The following GPC6 variants were observed in gnomAD, a reference collection of about 807,000 sequenced individuals.
GPC6 encodes glypican-6.
A neutral mutation model predicts 55.2 loss-of-function variants in GPC6; 14 were observed. The observed-to-expected ratio is 0.25, with a 90% CI of 0.17 to 0.40. The LOEUF (loss-of-function observed/expected upper bound fraction) is 0.40, where lower values mean the gene tolerates loss of function less well. Ranked by LOEUF, GPC6 falls within the 10% of genes least tolerant of loss-of-function variation. The pLI is 1.00. For synonymous variants in GPC6, 278 were observed against 259.6 expected (o/e 1.07, Z -0.68); for missense variants, 641 against 708.5 (o/e 0.90, Z 1.08).
chr13:94,061,384 T>C (rs2138768407), intron 4 of GPC6, among the ~76,000 whole-genome samples: 1 of 152,316 alleles, frequency 6.6e-6, no homozygotes, highest in Admixed American at 6.5e-5. Flanking sequence ...TTCTGCCATA[T>C]TGAAGGCCAG....
intron 6 of GPC6, among the ~76,000 whole-genome samples, chr13:94,307,694 C>T (rs1180631804): frequency 9.9e-5 from 15 of 152,148 alleles, no homozygotes; most frequent in Admixed American, 5.9e-4. Context: ...AATTAGATTC[C>T]ACCAAATAAC....
chr13:93,744,809 T>A (rs1266990171), intron 2 of GPC6, among the ~76,000 whole-genome samples: 1 of 151,646 alleles, frequency 6.6e-6, no homozygotes, highest in African/African-American at 2.4e-5. Context: ...GGAGCATGCT[T>A]GTAGTCCTAG....
intron 1 of GPC6, among the ~76,000 whole-genome samples, chr13:93,327,107 G>T (rs1261712899): frequency 2.6e-5 from 4 of 152,180 alleles, no homozygotes. Context: ...CAGGGAGGTA[G>T]GATTTTTTTC....
At chr13:93,340,504 A>G (rs940816895) in intron 1 of GPC6, among the ~76,000 whole-genome samples, 2 of 152,222 alleles carry the variant, frequency 1.3e-5, no homozygotes, top group African/African-American at 4.8e-5. Context: ...ATCATAAGTG[A>G]AATAAGTGTA....
intron 3 of GPC6, among the ~76,000 whole-genome samples, chr13:94,002,825 T>C (rs9524309): frequency 0.13 from 19,865 of 152,136 alleles, 1,516 homozygotes; most frequent in East Asian, 0.27. Context: ...CCCTAAGTTA[T>C]CTCAATTGAG....
rs1876707828 is a variant in GPC6, at chr13:93,577,181, T to C, written c.319+31760T>C. 2.0e-5 allele frequency among the ~76,000 whole-genome samples: 3 copies of C among 152,156 alleles called. No homozygotes were observed. The South Asian group carries it at 6.2e-4, about 31-fold the overall frequency. On this transcript the variant is annotated intron_variant, in intron 2 of 8. Coordinates refer to ENST00000377047, the MANE Select transcript of GPC6 (RefSeq NM_005708.5). The stretch of plus-strand genomic sequence containing the variant: ...TTATGGGGAGCAACAGAAATATATC[T>C]CACTGAAACAAAATCACAAATATTC...
intron 7 of GPC6, among the ~76,000 whole-genome samples, chr13:94,384,241 T>C (rs925683507): frequency 9.9e-5 from 15 of 152,236 alleles, no homozygotes; most frequent in Non-Finnish European, 2.1e-4. Context: ...AACATGCCAC[T>C]AAAAAATATT....
chr13:93,447,573 G>A (rs904274797), intron 1 of GPC6, among the ~76,000 whole-genome samples: 8 of 152,042 alleles, frequency 5.3e-5, no homozygotes, highest in African/African-American at 7.2e-5. Context: ...CTAATTGGCC[G>A]TATTCCCCAA....
chr13:93,853,139 G>C (rs1326819234), intron 3 of GPC6, among the ~76,000 whole-genome samples: 5 of 151,484 alleles, frequency 3.3e-5, no homozygotes, highest in Non-Finnish European at 5.9e-5. Flanking sequence ...ACCAAAACAC[G>C]GTCAAGCAAT....
intron 1 of GPC6, among the ~76,000 whole-genome samples, chr13:93,297,750 T>G (rs1272190091): frequency 6.6e-6 from 1 of 152,132 alleles, no homozygotes; most frequent in Non-Finnish European, 1.5e-5. Flanking sequence ...TGCTTACCAC[T>G]GTCTTAAGTT....
chr13:93,732,413 G>T (rs1469470588), intron 2 of GPC6, among the ~76,000 whole-genome samples: 1 of 152,098 alleles, frequency 6.6e-6, no homozygotes, highest in South Asian at 2.1e-4. Context: ...AAGTGAAAAA[G>T]ACAAGCAATG....
intron 1 of GPC6, among the ~76,000 whole-genome samples, chr13:93,498,346 C>A (rs185640948): frequency 1.3e-5 from 2 of 152,300 alleles, no homozygotes; most frequent in Admixed American, 6.5e-5. Flanking sequence ...AGTCATGATA[C>A]CCTTTTAATT....
intron 1 of GPC6, among the ~76,000 whole-genome samples, chr13:93,431,812 T>G (rs762738753): frequency 3.3e-5 from 5 of 152,162 alleles, no homozygotes; most frequent in Non-Finnish European, 7.4e-5. Context: ...ATTAAACTAT[T>G]TATCCCAGTG....
intron 1 of GPC6, among the ~76,000 whole-genome samples, chr13:93,535,908 A>G (rs1307038080): frequency 6.6e-6 from 1 of 152,172 alleles, no homozygotes; most frequent in Non-Finnish European, 1.5e-5. Flanking sequence ...TTTACTGGCT[A>G]GTAGACCTCA....
intron 1 of GPC6, among the ~76,000 whole-genome samples, chr13:93,457,218 C>T (rs923368436): frequency 1.3e-5 from 2 of 152,150 alleles, no homozygotes; most frequent in Non-Finnish European, 2.9e-5. Context: ...ATATGGCCTT[C>T]TCCCTCTATG....
At chr13:93,687,904 T>TTA (rs1882110057) in intron 2 of GPC6, among the ~76,000 whole-genome samples, 1 of 151,652 alleles carries the variant, frequency 6.6e-6, no homozygotes, top group Non-Finnish European at 1.5e-5. Context: ...GCTTTTTTTT[T>TTA]TATGAGAAAA....
At chr13:93,883,923 T>C (rs1183140866) in intron 3 of GPC6, among the ~76,000 whole-genome samples, 1 of 152,154 alleles carries the variant, frequency 6.6e-6, no homozygotes, top group Non-Finnish European at 1.5e-5. Flanking sequence ...ATGTTATTGA[T>C]GAACACATAA....
At chr13:93,375,946 A>C (rs1874876613) in intron 1 of GPC6, among the ~76,000 whole-genome samples, 1 of 152,244 alleles carries the variant, frequency 6.6e-6, no homozygotes, top group Non-Finnish European at 1.5e-5. Flanking sequence ...ATTTTTAAAA[A>C]ATAAAATGAA....
At chr13:94,276,235 A>G (rs1892198039) in intron 4 of GPC6, among the ~76,000 whole-genome samples, 1 of 152,184 alleles carries the variant, frequency 6.6e-6, no homozygotes, top group South Asian at 2.1e-4. Flanking sequence ...CTCTTTGTAA[A>G]CTTGAATCCT....
Sources: allele counts gnomAD v4.1 joint callset (sites outside exome capture counted in the v4.1 genomes callset), GRCh38; gene constraint gnomAD v4.1.1; transcripts MANE v1.5; gene names NCBI Gene and HGNC (gene_info 2026-07-23, HGNC 2026-07-21).